KAT7: variants seen among roughly 807,000 people sequenced by gnomAD.
KAT7 encodes the protein lysine acetyltransferase 7.
KAT7 carries 10 observed loss-of-function variants against 82.1 expected under a neutral mutation model. The ratio of observed to expected loss-of-function variants is 0.12; its 90% CI spans 0.08 to 0.21. The LOEUF (loss-of-function observed/expected upper bound fraction) is 0.21. KAT7 is among the 10% of genes least tolerant of loss of function. The probability of loss-of-function intolerance (pLI) is 1.00; values close to 1 mark genes in which losing one functional copy is unlikely to be tolerated. For synonymous variants in KAT7, 250 were observed against 262.5 expected (o/e 0.95, Z 0.46); for missense variants, 378 against 760.9 (o/e 0.50, Z 5.92).
intron 11 of KAT7, among the ~76,000 whole-genome samples, chr17:49,822,459 G>C (rs1370403878): frequency 6.6e-6 from 1 of 152,142 alleles, no homozygotes; most frequent in Non-Finnish European, 1.5e-5. Flanking sequence ...TCGAACTCCT[G>C]ACCTCAAGTA....
At chr17:49,801,722 T>G (rs915268418) in intron 4 of KAT7, among the ~76,000 whole-genome samples, 2 of 152,220 alleles carry the variant, frequency 1.3e-5, no homozygotes, top group African/African-American at 4.8e-5. Flanking sequence ...ACTCCTGGGC[T>G]CAAGTGACCC....
chr17:49,833,853 G>T lies in KAT7; in HGVS notation c.*6351G>T, dbSNP rs1298149990. 6.6e-6 allele frequency: 1 copy of T among 152,214 alleles called. No homozygotes were observed. Among genetic ancestry groups the T allele is most frequent in the Non-Finnish European group, 1.5e-5 (1 of 68,050 alleles). The allele number at this position is 152,214 out of a possible 1,614,324, so 9.4% of individuals were successfully genotyped here. A position where few individuals can be genotyped will look rare whatever the true frequency, so the allele number is the denominator to read the frequency against. Reference sequence around the variant, plus strand: ...TGGAATGGTTTGATACATGGCAATGGAGAAGTGAAACAAGGGGACTTCGGA... The same window carrying T: ...TGGAATGGTTTGATACATGGCAATGTAGAAGTGAAACAAGGGGACTTCGGA... On this transcript the variant is annotated 3_prime_UTR_variant, in exon 15 of 15. Coordinates refer to ENST00000259021, the MANE Select transcript of KAT7 (RefSeq NM_007067.5).
chr17:49,805,694 CA>C (rs2074083125), intron 5 of KAT7, among the ~76,000 whole-genome samples: 1 of 152,206 alleles, frequency 6.6e-6, no homozygotes, highest in African/African-American at 2.4e-5. Context: ...TTTGGAACAT[CA>C]GCCACTAGTG....
At chr17:49,801,357 G>C (rs146786962) in intron 4 of KAT7, among the ~76,000 whole-genome samples, 1 of 152,046 alleles carries the variant, frequency 6.6e-6, no homozygotes, top group Non-Finnish European at 1.5e-5. Context: ...GCTAATTTTT[G>C]TATTTTTTAG....
intron 8 of KAT7, among the ~76,000 whole-genome samples, chr17:49,817,268 G>A (rs1334773768): frequency 6.6e-6 from 1 of 152,106 alleles, no homozygotes; most frequent in Non-Finnish European, 1.5e-5. Flanking sequence ...TATCATTCTG[G>A]TGAGGCCCAG....
chr17:49,789,564 T>C (rs563365635), intron 1 of KAT7: 1 of 152,354 alleles, frequency 6.6e-6, no homozygotes, highest in South Asian at 2.1e-4. Flanking sequence ...GGCCCCGTCG[T>C]TTCTTCTTAC....
At chr17:49,803,664 T>TC (rs2074054260) in intron 4 of KAT7, among the ~76,000 whole-genome samples, 1 of 152,076 alleles carries the variant, frequency 6.6e-6, no homozygotes, top group African/African-American at 2.4e-5. Context: ...GACCTCGTGA[T>TC]CCGCCTGCCT....
chr17:49,804,593 C>CT (rs775080635), intron 4 of KAT7, among the ~76,000 whole-genome samples: 1 of 152,040 alleles, frequency 6.6e-6, no homozygotes, highest in East Asian at 1.9e-4. Flanking sequence ...CTGGGCAACA[C>CT]TGAGACCCGT....
At position 49,827,858 on chromosome 17, in the gene KAT7, C is replaced by G. The variant is rs1394025606; in HGVS notation, c.*356C>G. ...TGTGTTGTGTCTTCTAAGCGTGGTACTAGTGCTTGCCACCTGGTCACCAGA... is the reference window on the plus strand; with the variant it reads ...TGTGTTGTGTCTTCTAAGCGTGGTAGTAGTGCTTGCCACCTGGTCACCAGA... On this transcript the variant is annotated 3_prime_UTR_variant, in exon 15 of 15. Coordinates refer to ENST00000259021, the MANE Select transcript of KAT7 (RefSeq NM_007067.5). 2 of 199,214 alleles carry G rather than the reference C, an allele frequency of 1.0e-5. No individual in the cohort carries two copies. Among genetic ancestry groups the G allele is most frequent in the Non-Finnish European group, 2.0e-5 (2 of 98,694 alleles). The allele number at this position is 199,214 out of a possible 1,614,324, so 12.3% of individuals were successfully genotyped here.
intron 7 of KAT7, among the ~76,000 whole-genome samples, chr17:49,813,503 C>A (rs1477623435): frequency 6.6e-6 from 1 of 152,076 alleles, no homozygotes; most frequent in Non-Finnish European, 1.5e-5. Context: ...TTCACTAAGA[C>A]AAAAATATGC....
At chr17:49,794,258 C>T (rs1399889149) in intron 2 of KAT7, among the ~76,000 whole-genome samples, 1 of 152,130 alleles carries the variant, frequency 6.6e-6, no homozygotes, top group Non-Finnish European at 1.5e-5. Context: ...GGACAGCCAA[C>T]TTAGGGCAGC....
intron 4 of KAT7, among the ~76,000 whole-genome samples, chr17:49,803,667 G>A (rs1040228778): frequency 1.0e-4 from 15 of 149,894 alleles, no homozygotes; most frequent in African/African-American, 2.5e-4. Flanking sequence ...CTCGTGATCC[G>A]CCTGCCTCGC....
rs2073839008 is a variant in KAT7 at position 49,788,710 on chromosome 17, A to C, written c.-125A>C. The C allele has an allele frequency of 5.9e-6, 6 of 1,023,392 alleles. No individual in the cohort carries two copies. The highest frequency in any genetic ancestry group is 8.3e-6 in the Non-Finnish European group (6 of 720,752). 63.4% of individuals were successfully genotyped at this position (1,023,392 alleles called of 1,614,324 possible). A position where few individuals can be genotyped will look rare whatever the true frequency, so the allele number is the denominator to read the frequency against. ...AACGCTCCAGACGCTGAGAGGCAGG[A>C]GGCACTAGGGATCGTCCGCAGGATT... On this transcript the variant is annotated 5_prime_UTR_variant, in exon 1 of 15. Coordinates refer to ENST00000259021, the MANE Select transcript of KAT7 (RefSeq NM_007067.5).
At chr17:49,827,351 G>A in intron 14 of KAT7, 50 bp from the exon 15 acceptor site, 1 of 1,103,842 alleles carries the variant, frequency 9.1e-7, no homozygotes, top group Non-Finnish European at 1.4e-6. Context: ...TCTATGTAAA[G>A]GCACTTGAGT....
chr17:49,796,641 T>A (rs1205564765), intron 2 of KAT7, 109 bp from the exon 3 acceptor site: 1 of 796,676 alleles, frequency 1.3e-6, no homozygotes, highest in Admixed American at 2.9e-5. Context: ...TTTGTTGGAT[T>A]TTGTGAAATA....
At chr17:49,825,693 G>A (rs902440358) in intron 12 of KAT7, among the ~76,000 whole-genome samples, 2 of 152,152 alleles carry the variant, frequency 1.3e-5, no homozygotes, top group African/African-American at 2.4e-5. Context: ...GTGTTGATAG[G>A]AAAATACATA....
Position 49,833,230 on chromosome 17 carries a change from T to G in KAT7, c.*5728T>G, listed in dbSNP as rs750509539. 1 of 152,246 alleles carries G rather than the reference T, an allele frequency of 6.6e-6. No individual in the cohort carries two copies. Among genetic ancestry groups the G allele is most frequent in the Non-Finnish European group, 1.5e-5 (1 of 68,040 alleles). 9.4% of individuals were successfully genotyped at this position (152,246 alleles called of 1,614,324 possible). A position where few individuals can be genotyped will look rare whatever the true frequency, so the allele number is the denominator to read the frequency against. ...TGTACAACTCTGGCTCCATGGCTCC[T>G]CACAAATGTTCCATGTGAGATATAA... is the stretch of plus-strand genomic sequence containing the variant. On this transcript the variant is annotated 3_prime_UTR_variant, in exon 15 of 15. Coordinates refer to ENST00000259021, the MANE Select transcript of KAT7 (RefSeq NM_007067.5).
intron 5 of KAT7, among the ~76,000 whole-genome samples, chr17:49,807,443 C>T (rs953246705): frequency 5.3e-5 from 8 of 152,080 alleles, no homozygotes; most frequent in African/African-American, 1.4e-4. Context: ...CCATGAGGCG[C>T]GGCTAAACTG....
rs1029680544 is a variant in KAT7, at chr17:49,805,492, C to G, written c.663+47C>G. 3.5e-6 allele frequency: 5 copies of G among 1,413,248 alleles called. No individual in the cohort carries two copies. In the East Asian group the frequency reaches 9.2e-5, roughly 26 times the overall value. The allele number at this position is 1,413,248 out of a possible 1,614,324, so 87.5% of individuals were successfully genotyped here. The stretch of plus-strand genomic sequence containing the variant: ...CAACACATGCTTATTGAGTGCTTAC[C>G]GTTTGCCAGGCACTTTGCTGAACAC... On this transcript the variant is annotated intron_variant, in intron 5 of 14. Transcript: ENST00000259021.
Sources: allele counts gnomAD v4.1 joint callset (sites outside exome capture counted in the v4.1 genomes callset), GRCh38; gene constraint gnomAD v4.1.1; transcripts MANE v1.5; gene names NCBI Gene and HGNC (gene_info 2026-07-23, HGNC 2026-07-21).